The following IRAK1BP1 variants were observed in gnomAD, a reference collection of about 807,000 sequenced individuals.
IRAK1BP1 encodes interleukin 1 receptor associated kinase 1 binding protein 1.
A neutral mutation model predicts 28.0 loss-of-function variants in IRAK1BP1; 24 were observed. The ratio of observed to expected loss-of-function variants is 0.86; its 90% CI spans 0.62 to 1.20. The LOEUF is 1.20. Among genes scored for constraint, IRAK1BP1 ranks in the 50% most tolerant of loss-of-function variants. IRAK1BP1 has a pLI of 0.00. For synonymous variants in IRAK1BP1, 131 were observed against 116.3 expected (o/e 1.13, Z -0.81); for missense variants, 336 against 316.7 (o/e 1.06, Z -0.46).
Position 78,900,505 on chromosome 6 carries a change from A to C in IRAK1BP1, c.*2171A>C, listed in dbSNP as rs1410940915. 6.6e-6 allele frequency: 1 copy of C among 152,090 alleles called. No individual in the cohort carries two copies. The highest frequency in any genetic ancestry group is 1.5e-5 in the Non-Finnish European group (1 of 68,008). The allele number at this position is 152,090 out of a possible 1,614,324, so 9.4% of individuals were successfully genotyped here. Reference sequence around the variant, plus strand: ...CTGTAGGGGAAGAGTAGAAGCTAAGAAGAGTTTGAGTTCAACACCATTATA... The same window carrying C: ...CTGTAGGGGAAGAGTAGAAGCTAAGCAGAGTTTGAGTTCAACACCATTATA... On this transcript the variant is annotated 3_prime_UTR_variant, in exon 4 of 4. Transcript: ENST00000369940.
At chr6:78,879,219 A>G (rs951796700) in intron 1 of IRAK1BP1, among the ~76,000 whole-genome samples, 5 of 152,078 alleles carry the variant, frequency 3.3e-5, no homozygotes, top group African/African-American at 1.2e-4. Context: ...GGTAGGGGGT[A>G]GGGATAGCAT....
chr6:78,917,302 A>G (rs1772586562), intron 4 of IRAK1BP1, among the ~76,000 whole-genome samples: 1 of 151,562 alleles, frequency 6.6e-6, no homozygotes, highest in Non-Finnish European at 1.5e-5. Flanking sequence ...TCAATAGACT[A>G]GACCAAGCAG....
the IRAK1BP1 span, chr6:78,961,960 A>G: frequency 1.6e-6 from 1 of 609,640 alleles, no homozygotes; most frequent in Non-Finnish European, 2.8e-6. Flanking sequence ...TGTAGCTGAC[A>G]TAAAGAGTCT....
chr6:78,882,840 G>A (rs914526032), intron 1 of IRAK1BP1, among the ~76,000 whole-genome samples: 1 of 152,166 alleles, frequency 6.6e-6, no homozygotes, highest in East Asian at 1.9e-4. Context: ...TGGCTTTTTA[G>A]TTTAGACAGA....
chr6:78,975,772 C>T, the IRAK1BP1 span, among the ~76,000 whole-genome samples: 1 of 151,760 alleles, frequency 6.6e-6, no homozygotes, highest in South Asian at 2.1e-4. Context: ...CTCCCATTCA[C>T]AATTGCTTCA....
intron 1 of IRAK1BP1, among the ~76,000 whole-genome samples, chr6:78,875,694 G>A (rs922620201): frequency 6.6e-6 from 1 of 152,020 alleles, no homozygotes; most frequent in African/African-American, 2.4e-5. Flanking sequence ...CCAAAGATAA[G>A]AACAATAAAC....
At chr6:78,890,641 A>G (rs1771618895) in intron 2 of IRAK1BP1, among the ~76,000 whole-genome samples, 3 of 152,208 alleles carry the variant, frequency 2.0e-5, no homozygotes, top group Admixed American at 1.3e-4. Context: ...AAAGAAAAAT[A>G]GTTCACAAAC....
downstream of IRAK1BP1, among the ~76,000 whole-genome samples, chr6:78,905,153 T>G (rs1360926019): frequency 6.6e-6 from 1 of 152,200 alleles, no homozygotes; most frequent in Non-Finnish European, 1.5e-5. Context: ...TATTAAATAC[T>G]TGAAAAAGAA....
chr6:78,963,873 G>A, the IRAK1BP1 span, among the ~76,000 whole-genome samples: 1 of 152,070 alleles, frequency 6.6e-6, no homozygotes, highest in Admixed American at 6.5e-5. Flanking sequence ...TAGAAAATAC[G>A]CCACTGTTTG....
At chr6:78,905,664 C>T (rs1772243492), downstream of IRAK1BP1, among the ~76,000 whole-genome samples, 2 of 152,098 alleles carry the variant, frequency 1.3e-5, no homozygotes, top group Admixed American at 6.5e-5. Context: ...TGCAGTGGTG[C>T]GATCTCGGCT....
chr6:78,934,869 A>C (rs1487228294), intron 4 of IRAK1BP1, among the ~76,000 whole-genome samples: 4 of 152,208 alleles, frequency 2.6e-5, no homozygotes, highest in Non-Finnish European at 5.9e-5. Flanking sequence ...CTGTGCTGCC[A>C]GTATGTCTAA....
chr6:78,882,462 A>C lies in IRAK1BP1; in HGVS notation c.316-2916A>C, dbSNP rs559773359. Among the ~76,000 whole-genome samples the C allele has an allele frequency of 2.0e-5, 3 of 152,340 alleles. No individual in the cohort carries two copies. The East Asian group carries it at 5.8e-4, about 29-fold the overall frequency. Reference sequence around the variant, plus strand: ...TGGCAAACACTACTTTACCCAAGTGACCAGTATTAGTATTTGGAGTAGTGT... The same window carrying C: ...TGGCAAACACTACTTTACCCAAGTGCCCAGTATTAGTATTTGGAGTAGTGT... On this transcript the variant is annotated intron_variant, in intron 1 of 3. Transcript: ENST00000369940.
In IRAK1BP1 at chr6:78,867,897, A is replaced by G. The variant is rs1285017779; in HGVS notation, c.315+6A>G. ...TCCAGCAGCAGGGCGTGCAGGTGAG[A>G]TCTCCGCGGGGGAGGAAATAAGAGC... On this transcript the variant is annotated splice_donor_region_variant and intron_variant, in intron 1 of 3. Coordinates refer to ENST00000369940, the MANE Select transcript of IRAK1BP1 (RefSeq NM_001010844.4). 1 of 1,570,612 alleles carries G rather than the reference A, an allele frequency of 6.4e-7. No homozygotes were observed. The highest frequency in any genetic ancestry group is 1.2e-5 in the South Asian group (1 of 86,274).
At chr6:78,970,262 T>G in the IRAK1BP1 span, 2 of 1,133,690 alleles carry the variant, frequency 1.8e-6, no homozygotes, top group Non-Finnish European at 2.5e-6. Context: ...AACTTCTTGG[T>G]TTAAATCTTG....
At chr6:78,971,893 G>A in the IRAK1BP1 span, among the ~76,000 whole-genome samples, 8 of 152,242 alleles carry the variant, frequency 5.3e-5, no homozygotes, top group African/African-American at 1.2e-4. Context: ...ACGGAGTCTC[G>A]CTGATTGCTA....
At chr6:78,920,845 A>G (rs1443300975) in intron 4 of IRAK1BP1, among the ~76,000 whole-genome samples, 7 of 152,234 alleles carry the variant, frequency 4.6e-5, no homozygotes, top group Admixed American at 3.9e-4. Flanking sequence ...TCAACAGAGT[A>G]AACAACCTAC....
chr6:78,903,103 C>T, downstream of IRAK1BP1: 1 of 1,455,384 alleles, frequency 6.9e-7, no homozygotes, highest in South Asian at 1.2e-5. Flanking sequence ...TGCCTCTGGA[C>T]TCTGAATGTA....
intron 2 of IRAK1BP1, 53 bp from the exon 3 acceptor site, chr6:78,897,776 T>C: frequency 6.5e-7 from 1 of 1,527,474 alleles, no homozygotes; most frequent in Non-Finnish European, 8.9e-7. Context: ...GTAGAGAAAA[T>C]CTTGAAACAG....
At chr6:78,965,924 A>G in the IRAK1BP1 span, 2 of 1,550,844 alleles carry the variant, frequency 1.3e-6, no homozygotes, top group Non-Finnish European at 1.8e-6. Flanking sequence ...GTGAACTAAA[A>G]TACAACAAAT....
Sources: allele counts gnomAD v4.1 joint callset (sites outside exome capture counted in the v4.1 genomes callset), GRCh38; gene constraint gnomAD v4.1.1; transcripts MANE v1.5; gene names NCBI Gene and HGNC (gene_info 2026-07-23, HGNC 2026-07-21).